PRPSAP2: variants seen among roughly 807,000 people sequenced by gnomAD.
PRPSAP2 encodes phosphoribosyl pyrophosphate synthetase associated protein 2, also known as phosphoribosyl pyrophosphate synthase-associated protein 2.
In PRPSAP2, 24 loss-of-function variants were observed where a neutral mutation model predicts 40.6. That is an observed-to-expected ratio of 0.59 (90% confidence interval 0.43 to 0.83). The LOEUF (loss-of-function observed/expected upper bound fraction) is 0.83, where lower values mean the gene tolerates loss of function less well. PRPSAP2 is among the 40% of genes least tolerant of loss of function. The pLI is 0.00. For missense variants in PRPSAP2, 292 were observed against 465.6 expected (o/e 0.63, Z 3.43); for synonymous variants, 149 against 164.7 (o/e 0.90, Z 0.73).
chr17:18,899,519 G>GTTT (rs574203117), intron 8 of PRPSAP2, among the ~76,000 whole-genome samples: 7,137 of 60,660 alleles, frequency 0.12, 1,710 homozygotes, highest in South Asian at 0.16. Context: ...ATCCAACTGA[G>GTTT]TTTTTTTTTT....
intron 5 of PRPSAP2, among the ~76,000 whole-genome samples, chr17:18,874,974 C>T (rs1055762252): frequency 3.9e-5 from 6 of 152,166 alleles, no homozygotes; most frequent in South Asian, 2.1e-4. Flanking sequence ...GCATTGAGGG[C>T]ACCCCTGGAC....
At chr17:18,882,941 T>C (rs1336485136) in intron 7 of PRPSAP2, among the ~76,000 whole-genome samples, 1 of 152,228 alleles carries the variant, frequency 6.6e-6, no homozygotes, top group Non-Finnish European at 1.5e-5. Context: ...ATGAGTAATT[T>C]ACTCTCATTA....
chr17:18,882,125 C>A, intron 6 of PRPSAP2, among the ~76,000 whole-genome samples: 1 of 152,004 alleles, frequency 6.6e-6, no homozygotes, highest in African/African-American at 2.4e-5. Context: ...AGGCGTGAGC[C>A]ACAGTGCCCG....
chr17:18,893,009 G>A (rs909481392), intron 8 of PRPSAP2, among the ~76,000 whole-genome samples: 4 of 151,868 alleles, frequency 2.6e-5, no homozygotes, highest in Admixed American at 2.6e-4. Flanking sequence ...TGAGTTATAA[G>A]CACTCTTTAT....
At chr17:18,908,802 G>T (rs759669874) in intron 8 of PRPSAP2, 5 of 723,118 alleles carry the variant, frequency 6.9e-6, no homozygotes, top group Non-Finnish European at 1.3e-5. Flanking sequence ...AAAAAGTGGC[G>T]GAAAAGCTAG....
intron 7 of PRPSAP2, among the ~76,000 whole-genome samples, chr17:18,887,412 A>G (rs946511229): frequency 6.6e-6 from 1 of 151,636 alleles, no homozygotes; most frequent in Non-Finnish European, 1.5e-5. Context: ...TTTGTTTTGC[A>G]TTTTTAGCAG....
chr17:18,901,317 C>T (rs1217446030), intron 8 of PRPSAP2, among the ~76,000 whole-genome samples: 1 of 152,170 alleles, frequency 6.6e-6, no homozygotes, highest in Non-Finnish European at 1.5e-5. Flanking sequence ...AAGGAAGCCA[C>T]CACCGTGACG....
At chr17:18,916,457 C>G (rs112886739) in intron 9 of PRPSAP2, among the ~76,000 whole-genome samples, 6,082 of 151,302 alleles carry the variant, frequency 0.04, 186 homozygotes, top group Non-Finnish European at 0.058. Flanking sequence ...CTCACCGCAA[C>G]TTCCACCTCC....
intron 7 of PRPSAP2, among the ~76,000 whole-genome samples, chr17:18,888,751 G>A (rs1168687970): frequency 7.1e-5 from 3 of 42,220 alleles, no homozygotes. Flanking sequence ...CCGGGCGGGG[G>A]GCTGACCCCC....
chr17:18,891,371 C>G (rs1800707175), intron 8 of PRPSAP2, among the ~76,000 whole-genome samples: 1 of 152,194 alleles, frequency 6.6e-6, no homozygotes, highest in Admixed American at 6.5e-5. Context: ...TTGTGGCTGA[C>G]TTTCCCAACC....
intron 6 of PRPSAP2, among the ~76,000 whole-genome samples, chr17:18,881,316 A>G (rs564575247): frequency 6.7e-6 from 1 of 149,960 alleles, no homozygotes; most frequent in South Asian, 2.1e-4. Context: ...GCTCACTGCA[A>G]CCTCCGCCCC....
intron 8 of PRPSAP2, among the ~76,000 whole-genome samples, chr17:18,895,500 G>A (rs1419184648): frequency 6.6e-6 from 1 of 151,114 alleles, no homozygotes; most frequent in Admixed American, 6.6e-5. Flanking sequence ...ATTGTGTCTA[G>A]TTATTCTGAC....
chr17:18,930,367 C>T (rs930781159), intron 11 of PRPSAP2, among the ~76,000 whole-genome samples, 173 bp from the exon 12 acceptor site: 1 of 152,098 alleles, frequency 6.6e-6, no homozygotes, highest in Non-Finnish European at 1.5e-5. Context: ...GAGCAAGACT[C>T]CGTCTAAAAA....
In PRPSAP2 at chr17:18,872,708, A is replaced by G. The variant is rs1270521944; in HGVS notation, c.239+59A>G. The G allele has an allele frequency of 3.2e-6, 4 of 1,237,922 alleles. No homozygotes were observed. The African/African-American group carries it at 4.5e-5, about 14-fold the overall frequency. 76.7% of individuals were successfully genotyped at this position (1,237,922 alleles called of 1,614,324 possible). On this transcript the variant is annotated intron_variant, in intron 5 of 11. Transcript: ENST00000268835. ...TTCAGTTTAGGCATGAGTGTTTAAA[A>G]TAATGATAGATGGCTAGCCAGGAAG...
At position 18,892,381 on chromosome 17, in the gene PRPSAP2, C is replaced by T. The variant is rs368428472; in HGVS notation, c.584+2504C>T. Among the ~76,000 whole-genome samples the T allele has an allele frequency of 3.1e-4, 47 of 151,972 alleles. No individual in the cohort carries two copies. In the East Asian group the frequency reaches 8.5e-3, roughly 28 times the overall value. On this transcript the variant is annotated intron_variant, in intron 8 of 11. Transcript: ENST00000268835. ...GAATTGCTGGGTCATATGGCAGTTTCGTTTATGTTTTGAGGAACTATCAGT... is the reference window on the plus strand; with the variant it reads ...GAATTGCTGGGTCATATGGCAGTTTTGTTTATGTTTTGAGGAACTATCAGT...
At chr17:18,882,529 CA>C (rs2038835551) in intron 6 of PRPSAP2, 38 bp from the exon 7 acceptor site, 3 of 1,301,190 alleles carry the variant, frequency 2.3e-6, no homozygotes, top group Non-Finnish European at 2.2e-6. Context: ...AAAACAAAAA[CA>C]AAACTATTTA....
At chr17:18,864,703 C>G (rs1358329911) in intron 1 of PRPSAP2, among the ~76,000 whole-genome samples, 1 of 152,210 alleles carries the variant, frequency 6.6e-6, no homozygotes, top group Non-Finnish European at 1.5e-5. Context: ...CTACACCAGC[C>G]TTCCCAGAGG....
chr17:18,930,685 G>A lies in PRPSAP2; in HGVS notation c.1097G>A (p.Gly366Asp). 6.2e-7 allele frequency: 1 copy of A among 1,611,422 alleles called. No homozygotes were observed. Among genetic ancestry groups the A allele is most frequent in the Non-Finnish European group, 8.5e-7 (1 of 1,178,604 alleles). The change falls in exon 12 of 12, where the codon GGC becomes GAC. Residue 366 changes from glycine to aspartate, a missense_variant. Gly to Asp is a moderately conservative substitution (Grantham distance 94). This residue lies in a region of PRPSAP2 where 241 missense variants were observed against 425.7 expected (regional missense o/e 0.57). Transcript: ENST00000268835. ...ATGTCCTACCTTTTCAGAAACATAG[G>A]CTTAGATGACTGAGTTTTCCTTTAG... is the stretch of plus-strand genomic sequence containing the variant. ...ESMSYLFRNI[G>D]LDD
At chr17:18,898,354 CTTA>C (rs2040053919) in intron 8 of PRPSAP2, among the ~76,000 whole-genome samples, 1 of 152,126 alleles carries the variant, frequency 6.6e-6, no homozygotes, top group African/African-American at 2.4e-5. Flanking sequence ...TGAAGAAAAG[CTTA>C]TTATATTTAC....
Sources: gnomAD v4.1 joint callset for allele counts (sites outside exome capture counted in the v4.1 genomes callset) on GRCh38, gnomAD v4.1.1 for gene constraint, gnomAD v4.1.1 regional missense constraint, MANE v1.5 for transcripts, NCBI Gene and HGNC (gene_info 2026-07-23, HGNC 2026-07-21) for gene names.